The following ACAD11 variants were observed in gnomAD, a reference collection of about 807,000 sequenced individuals.
The protein encoded by ACAD11 is acyl-CoA dehydrogenase family member 11.
Under a neutral mutation model 102.2 loss-of-function variants are expected in ACAD11, and 83 were observed. That is an observed-to-expected ratio of 0.81 (90% confidence interval 0.68 to 0.97). The LOEUF (loss-of-function observed/expected upper bound fraction) is 0.97, where lower values mean the gene tolerates loss of function less well. ACAD11 is among the 50% of genes least tolerant of loss of function. The probability of loss-of-function intolerance (pLI) is 0.00; values close to 1 mark genes in which losing one functional copy is unlikely to be tolerated. For synonymous variants in ACAD11, 324 were observed against 319.8 expected, an observed-to-expected ratio of 1.01 and a Z score of -0.14; for missense variants, 901 against 951.7, an observed-to-expected ratio of 0.95 and a Z score of 0.70.
intron 10 of ACAD11, among the ~76,000 whole-genome samples, 169 bp downstream of exon 10, chr3:132,619,299 C>T (rs1206607113): frequency 6.6e-6 from 1 of 152,074 alleles, no homozygotes; most frequent in Non-Finnish European, 1.5e-5. Context: ...TAGAACACTA[C>T]CTAGCCTAAT....
rs761582733 is a variant in ACAD11, at chr3:132,603,131, T to C, written c.1621+98A>G. ...ACATGCAGAATTTAAAGAATTATGA[T>C]CATGAAACTGATCACTATGTATCAT... is the stretch of plus-strand genomic sequence containing the variant. On this transcript the variant is annotated intron_variant, in intron 13 of 19. Coordinates refer to ENST00000264990, the MANE Select transcript of ACAD11 (RefSeq NM_032169.5). 429 of 1,060,202 alleles carry C rather than the reference T, an allele frequency of 4.0e-4. 1 individual carries two copies. Among genetic ancestry groups the C allele is most frequent in the Non-Finnish European group, 5.8e-4 (401 of 697,258 alleles). 65.7% of individuals were successfully genotyped at this position (1,060,202 alleles called of 1,614,324 possible).
intron 13 of ACAD11, among the ~76,000 whole-genome samples, chr3:132,599,747 G>A (rs1403220429): frequency 6.6e-6 from 1 of 152,000 alleles, no homozygotes; most frequent in Non-Finnish European, 1.5e-5. Flanking sequence ...AGATAGTGGT[G>A]CTACTAAAAA....
At chr3:132,569,461 C>T (rs2107785418) in intron 17 of ACAD11, among the ~76,000 whole-genome samples, 1 of 152,246 alleles carries the variant, frequency 6.6e-6, no homozygotes, top group East Asian at 1.9e-4. Context: ...AGTAATTGCA[C>T]TCGTGGGCAT....
chr3:132,561,676 G>T, intron 17 of ACAD11, among the ~76,000 whole-genome samples: 1 of 152,150 alleles, frequency 6.6e-6, no homozygotes, highest in Non-Finnish European at 1.5e-5. Context: ...AATTTGCTGT[G>T]TTGTTATTGT....
At position 132,639,635 on chromosome 3, in the gene ACAD11, A is replaced by T; in HGVS notation, c.559T>A (p.Tyr187Asn). 6.2e-7 allele frequency: 1 copy of T among 1,613,514 alleles called. No homozygotes were observed. Among genetic ancestry groups the T allele is most frequent in the Non-Finnish European group, 8.5e-7 (1 of 1,179,746 alleles). The change falls in exon 5 of 20, where the codon TAT (tyrosine) becomes AAT (asparagine). Residue 187 changes from tyrosine to asparagine, a missense_variant. Coordinates refer to ENST00000264990, the MANE Select transcript of ACAD11 (RefSeq NM_032169.5). ...KRQVSTWTKQ[Y>N]QAAAHQDIPA... Reference sequence around the variant, plus strand: ...ATGTCCTGATGAGCTGCAGCTTGATATTGCTTTGTCCAGGTTGATACCTAA... The same window carrying T: ...ATGTCCTGATGAGCTGCAGCTTGATTTTGCTTTGTCCAGGTTGATACCTAA...
chr3:132,584,524 C>A (rs1202668844), intron 13 of ACAD11, among the ~76,000 whole-genome samples: 1 of 152,092 alleles, frequency 6.6e-6, no homozygotes, highest in Non-Finnish European at 1.5e-5. Context: ...ATTTGCCAGT[C>A]TGTGTCTTTC....
chr3:132,646,887 A>C (rs1252649825), intron 1 of ACAD11, among the ~76,000 whole-genome samples: 4 of 152,170 alleles, frequency 2.6e-5, no homozygotes, highest in African/African-American at 9.7e-5. Context: ...AATGTCCAGG[A>C]TAGGGAAATC....
intron 9 of ACAD11, among the ~76,000 whole-genome samples, chr3:132,625,993 C>A (rs1241517371): frequency 6.6e-6 from 1 of 152,208 alleles, no homozygotes; most frequent in African/African-American, 2.4e-5. Flanking sequence ...ATATAAACAG[C>A]CTGCCCCAAC....
chr3:132,564,071 C>A (rs1012838826), intron 17 of ACAD11, among the ~76,000 whole-genome samples: 5 of 151,984 alleles, frequency 3.3e-5, no homozygotes, highest in Non-Finnish European at 7.4e-5. Context: ...GTTAGTTTGG[C>A]AGATTATAAT....
chr3:132,580,750 A>G (rs1937585791), intron 13 of ACAD11, among the ~76,000 whole-genome samples: 1 of 152,002 alleles, frequency 6.6e-6, no homozygotes, highest in African/African-American at 2.4e-5. Flanking sequence ...TCAAAATATT[A>G]TGGGAAGAAG....
chr3:132,601,132 C>G (rs1423538181), intron 13 of ACAD11: 1 of 1,613,352 alleles, frequency 6.2e-7, no homozygotes, highest in South Asian at 1.1e-5. Context: ...TGCTCACAGT[C>G]GTTATAGTTT....
At chr3:132,570,071 G>T (rs759231560) in intron 17 of ACAD11, among the ~76,000 whole-genome samples, 38 of 152,144 alleles carry the variant, frequency 2.5e-4, no homozygotes, top group South Asian at 8.3e-4. Context: ...TTCTTGTTTA[G>T]CTTAGAAAAC....
chr3:132,643,148 T>G (rs1041621384), intron 2 of ACAD11, among the ~76,000 whole-genome samples: 7 of 152,240 alleles, frequency 4.6e-5, no homozygotes, highest in African/African-American at 1.7e-4. Flanking sequence ...GTTCCCTGGC[T>G]GGCTGCTCGC....
intron 15 of ACAD11, among the ~76,000 whole-genome samples, chr3:132,578,017 CTT>C (rs1937547351): frequency 6.6e-6 from 1 of 152,154 alleles, no homozygotes; most frequent in South Asian, 2.1e-4. Context: ...AACTGCAAGT[CTT>C]ATATCTGCCA....
chr3:132,573,821 C>T (rs1257511378), intron 17 of ACAD11, among the ~76,000 whole-genome samples: 1 of 152,156 alleles, frequency 6.6e-6, no homozygotes, highest in Non-Finnish European at 1.5e-5. Context: ...TTTCCTAAGA[C>T]AGAACTGGGA....
intron 13 of ACAD11, among the ~76,000 whole-genome samples, chr3:132,597,521 A>G (rs1938369697): frequency 6.6e-6 from 1 of 152,006 alleles, no homozygotes; most frequent in Non-Finnish European, 1.5e-5. Context: ...AGAAGAAAAT[A>G]CGATTTTAAA....
intron 1 of ACAD11, among the ~76,000 whole-genome samples, chr3:132,656,137 TC>T (rs1173861115): frequency 6.6e-6 from 1 of 152,250 alleles, no homozygotes; most frequent in African/African-American, 2.4e-5. Flanking sequence ...CGTTTTTCAT[TC>T]TGTGTTATGT....
At chr3:132,590,143 T>C (rs72998150) in intron 13 of ACAD11, among the ~76,000 whole-genome samples, 5,165 of 152,334 alleles carry the variant, frequency 0.034, 146 homozygotes, top group South Asian at 0.074. Flanking sequence ...TTGTGAGTAG[T>C]GCTGCAATGA....
intron 17 of ACAD11, among the ~76,000 whole-genome samples, chr3:132,571,903 G>A (rs1022029737): frequency 7.9e-5 from 12 of 151,982 alleles, no homozygotes; most frequent in Admixed American, 2.0e-4. Context: ...CTAGGTATTC[G>A]AGGAACATAC....
Sources: allele counts gnomAD v4.1 joint callset (sites outside exome capture counted in the v4.1 genomes callset), GRCh38; gene constraint gnomAD v4.1.1; transcripts MANE v1.5; gene names NCBI Gene and HGNC (gene_info 2026-07-23, HGNC 2026-07-21).